GPC6: variants seen among roughly 807,000 people sequenced by gnomAD.
GPC6 encodes the protein glypican-6.
A neutral mutation model predicts 55.2 loss-of-function variants in GPC6; 14 were observed. That is an observed-to-expected ratio of 0.25 (90% CI 0.17 to 0.40). The LOEUF is 0.40. Ranked by LOEUF, GPC6 falls within the 10% of genes least tolerant of loss-of-function variation. The probability of loss-of-function intolerance (pLI) is 1.00; values close to 1 mark genes in which losing one functional copy is unlikely to be tolerated. For synonymous variants in GPC6, 278 were observed against 259.6 expected (o/e 1.07, Z -0.68); for missense variants, 641 against 708.5 (o/e 0.90, Z 1.08).
intron 1 of GPC6, among the ~76,000 whole-genome samples, chr13:93,251,303 C>T (rs1427979031): frequency 6.6e-6 from 1 of 152,184 alleles, no homozygotes; most frequent in African/African-American, 2.4e-5. Context: ...CCTTCTGCCA[C>T]ATTTAGAGAC....
At chr13:93,562,560 C>T (rs1405238476) in intron 2 of GPC6, among the ~76,000 whole-genome samples, 1 of 152,112 alleles carries the variant, frequency 6.6e-6, no homozygotes, top group Non-Finnish European at 1.5e-5. Context: ...ACATAAAGCA[C>T]TTATTATCAT....
chr13:93,935,882 C>T (rs1462864187), intron 3 of GPC6, among the ~76,000 whole-genome samples: 1 of 152,196 alleles, frequency 6.6e-6, no homozygotes, highest in East Asian at 1.9e-4. Context: ...TCCTGGGTTC[C>T]ATTCCAGCTG....
At chr13:93,517,734 A>G (rs1045015897) in intron 1 of GPC6, among the ~76,000 whole-genome samples, 33 of 152,036 alleles carry the variant, frequency 2.2e-4, no homozygotes, top group Admixed American at 2.1e-3. Flanking sequence ...CTATCTTGGC[A>G]TGTACTACAG....
chr13:93,573,567 A>G (rs2139478100), intron 2 of GPC6, among the ~76,000 whole-genome samples: 1 of 152,314 alleles, frequency 6.6e-6, no homozygotes, highest in African/African-American at 2.4e-5. Flanking sequence ...AGTAACAACA[A>G]AAACAAAACT....
intron 1 of GPC6, among the ~76,000 whole-genome samples, chr13:93,281,344 C>G (rs1877942679): frequency 6.6e-6 from 1 of 152,128 alleles, no homozygotes; most frequent in Admixed American, 6.5e-5. Context: ...GGCCAGCTTC[C>G]TGATTCATAG....
intron 4 of GPC6, among the ~76,000 whole-genome samples, chr13:94,192,834 C>A (rs1484317623): frequency 6.6e-6 from 1 of 152,072 alleles, no homozygotes; most frequent in Admixed American, 6.6e-5. Context: ...GTGGGTGAGC[C>A]CCAATTTGGT....
intron 4 of GPC6, among the ~76,000 whole-genome samples, chr13:94,213,588 G>A (rs527537814): frequency 1.8e-4 from 27 of 152,170 alleles, no homozygotes; most frequent in African/African-American, 5.8e-4. Flanking sequence ...GAGGGCCACC[G>A]GTCTAGGATG....
At chr13:93,772,101 G>T (rs972769212) in intron 2 of GPC6, among the ~76,000 whole-genome samples, 1 of 152,168 alleles carries the variant, frequency 6.6e-6, no homozygotes, top group Admixed American at 6.5e-5. Context: ...CTTTTATGTA[G>T]TATAGGCTCA....
chr13:94,193,775 C>T lies in GPC6; in HGVS notation c.878-92574C>T, dbSNP rs556873352. Among the ~76,000 whole-genome samples, 8 of 152,222 alleles carry T rather than the reference C, an allele frequency of 5.3e-5. No individual in the cohort carries two copies. In the East Asian group the frequency reaches 1.4e-3, roughly 26 times the overall value. On this transcript the variant is annotated intron_variant, in intron 4 of 8. Transcript: ENST00000377047. ...AGTGAAAGTTCTTTAAATCTAGACC[C>T]CTTATCTCTTTCATGGTTTTCAGCA...
chr13:93,845,132 T>C (rs1451317896), intron 3 of GPC6, among the ~76,000 whole-genome samples: 2 of 152,092 alleles, frequency 1.3e-5, no homozygotes, highest in African/African-American at 2.4e-5. Flanking sequence ...ATGCGGGCTC[T>C]TTTTTGCTTC....
chr13:93,575,552 A>G (rs1179425492), intron 2 of GPC6, among the ~76,000 whole-genome samples: 1 of 152,152 alleles, frequency 6.6e-6, no homozygotes, highest in Non-Finnish European at 1.5e-5. Flanking sequence ...TCCATGGAGC[A>G]TCCTTTGAAA....
At chr13:93,820,524 T>C (rs1213652117) in intron 2 of GPC6, among the ~76,000 whole-genome samples, 1 of 152,074 alleles carries the variant, frequency 6.6e-6, no homozygotes, top group Non-Finnish European at 1.5e-5. Flanking sequence ...ATGAACATTA[T>C]ATTTTGTTGC....
At chr13:94,246,034 T>C (rs1891185722) in intron 4 of GPC6, among the ~76,000 whole-genome samples, 1 of 152,122 alleles carries the variant, frequency 6.6e-6, no homozygotes, top group Admixed American at 6.6e-5. Context: ...TTGGGTCTTG[T>C]CTTTTTTATA....
chr13:93,722,404 G>C (rs368187181), intron 2 of GPC6, among the ~76,000 whole-genome samples: 1 of 151,890 alleles, frequency 6.6e-6, no homozygotes, highest in African/African-American at 2.4e-5. Context: ...GGATTTTTAA[G>C]TATTTAAATT....
At chr13:93,645,924 TC>T (rs1158314735) in intron 2 of GPC6, among the ~76,000 whole-genome samples, 2 of 151,948 alleles carry the variant, frequency 1.3e-5, no homozygotes, top group Admixed American at 1.3e-4. Flanking sequence ...ACTAATCTCG[TC>T]CCCCGACCCT....
At chr13:93,382,974 T>G (rs1443171978) in intron 1 of GPC6, among the ~76,000 whole-genome samples, 1 of 152,116 alleles carries the variant, frequency 6.6e-6, no homozygotes, top group Non-Finnish European at 1.5e-5. Context: ...ATATAAAAGT[T>G]GGTACCATAT....
intron 4 of GPC6, among the ~76,000 whole-genome samples, chr13:94,248,781 C>T (rs1891270898): frequency 6.6e-6 from 1 of 152,134 alleles, no homozygotes; most frequent in African/African-American, 2.4e-5. Context: ...AAACTAGCAC[C>T]TCAGGACATA....
At chr13:94,397,904 G>T (rs1880961389) in intron 7 of GPC6, among the ~76,000 whole-genome samples, 2 of 152,102 alleles carry the variant, frequency 1.3e-5, no homozygotes, top group African/African-American at 4.8e-5. Context: ...GGAGGTAATT[G>T]AATCATGGGG....
At chr13:93,748,390 ATTT>A (rs566836786) in intron 2 of GPC6, among the ~76,000 whole-genome samples, 1 of 149,410 alleles carries the variant, frequency 6.7e-6, no homozygotes, top group East Asian at 2.0e-4. Context: ...TTGTGATTTA[ATTT>A]TTTTTTGCTT....
Sources: allele counts gnomAD v4.1 joint callset (sites outside exome capture counted in the v4.1 genomes callset), GRCh38; gene constraint gnomAD v4.1.1; transcripts MANE v1.5; gene names NCBI Gene and HGNC (gene_info 2026-07-23, HGNC 2026-07-21).